Variants in RPS6KC1 observed in about 807,000 individuals in gnomAD.
RPS6KC1 encodes inactive ribosomal protein S6 kinase delta-1.
A neutral mutation model predicts 103.8 loss-of-function variants in RPS6KC1; 54 were observed. The observed-to-expected ratio is 0.52, with a 90% CI of 0.42 to 0.65. The LOEUF (loss-of-function observed/expected upper bound fraction) is 0.65, where lower values mean the gene tolerates loss of function less well. Among genes scored for constraint, RPS6KC1 ranks in the 30% least tolerant of loss-of-function variants. The pLI, the probability that RPS6KC1 is intolerant of heterozygous loss-of-function variation, is 0.00. For missense variants in RPS6KC1, 1,151 were observed against 1,253.8 expected, an observed-to-expected ratio of 0.92 and a Z score of 1.24; for synonymous variants, 439 against 438.7, an observed-to-expected ratio of 1.00 and a Z score of -0.01.
chr1:213,460,194 T>A, the RPS6KC1 span, among the ~76,000 whole-genome samples: 6 of 152,094 alleles, frequency 3.9e-5, no homozygotes, highest in Non-Finnish European at 8.8e-5. Flanking sequence ...AAATCTCCCA[T>A]TATTATTGTG....
chr1:213,385,358 G>A, the RPS6KC1 span, among the ~76,000 whole-genome samples: 3 of 152,292 alleles, frequency 2.0e-5, no homozygotes, highest in Admixed American at 1.3e-4. Context: ...GAGACACAGA[G>A]AGGTGAAGAA....
At chr1:213,504,840 T>C in the RPS6KC1 span, among the ~76,000 whole-genome samples, 564 of 152,232 alleles carry the variant, frequency 3.7e-3, 2 homozygotes, top group South Asian at 9.3e-3. Context: ...CAAAAATGAG[T>C]ATCTAACATA....
the RPS6KC1 span, among the ~76,000 whole-genome samples, chr1:213,768,278 T>C: frequency 1.3e-5 from 2 of 152,096 alleles, no homozygotes; most frequent in African/African-American, 2.4e-5. Flanking sequence ...GGACCAAGAC[T>C]GGAAAGAGTT....
the RPS6KC1 span, among the ~76,000 whole-genome samples, chr1:213,829,476 AG>A: frequency 1.3e-5 from 2 of 152,266 alleles, no homozygotes; most frequent in Admixed American, 1.3e-4. Context: ...CTCACTTTAA[AG>A]GGTCATATCA....
At chr1:213,730,118 G>A in the RPS6KC1 span, among the ~76,000 whole-genome samples, 2 of 152,166 alleles carry the variant, frequency 1.3e-5, no homozygotes, top group Admixed American at 6.5e-5. Context: ...CTTTTTAATG[G>A]CTGCATAGTA....
intron 3 of RPS6KC1, among the ~76,000 whole-genome samples, chr1:213,091,264 G>A (rs1294177348): frequency 6.6e-6 from 1 of 152,012 alleles, no homozygotes; most frequent in Non-Finnish European, 1.5e-5. Context: ...GTTTCACCAT[G>A]TTAGCCAGGA....
chr1:213,094,090 C>A (rs559078293), intron 3 of RPS6KC1, among the ~76,000 whole-genome samples: 104 of 151,554 alleles, frequency 6.9e-4, no homozygotes, highest in African/African-American at 2.4e-3. Context: ...TATGCTCCCC[C>A]CCCCCACCAA....
the RPS6KC1 span, among the ~76,000 whole-genome samples, chr1:213,576,321 A>T: frequency 1.3e-5 from 2 of 151,370 alleles, no homozygotes; most frequent in Non-Finnish European, 2.9e-5. Flanking sequence ...TGTAGAGATG[A>T]TTTAAAATGC....
At chr1:213,574,886 C>T in the RPS6KC1 span, among the ~76,000 whole-genome samples, 2 of 152,200 alleles carry the variant, frequency 1.3e-5, no homozygotes, top group Admixed American at 6.5e-5. Context: ...ACTGTGGGCT[C>T]CTGCCTGGAG....
the RPS6KC1 span, among the ~76,000 whole-genome samples, chr1:213,629,873 G>T: frequency 2.6e-5 from 4 of 152,100 alleles, no homozygotes; most frequent in Non-Finnish European, 4.4e-5. Flanking sequence ...GAAATTCTGG[G>T]TTGAAAATGC....
the RPS6KC1 span, among the ~76,000 whole-genome samples, chr1:213,381,265 C>T: frequency 2.0e-5 from 3 of 152,120 alleles, no homozygotes; most frequent in Admixed American, 1.3e-4. Flanking sequence ...CCTGGTGAGG[C>T]TTGGGACGAG....
At chr1:213,555,283 C>T in the RPS6KC1 span, among the ~76,000 whole-genome samples, 3 of 152,236 alleles carry the variant, frequency 2.0e-5, no homozygotes, top group Non-Finnish European at 4.4e-5. Flanking sequence ...TGCCCACTCC[C>T]TCCCTGGCAG....
At chr1:213,333,023 C>T in the RPS6KC1 span, among the ~76,000 whole-genome samples, 2 of 152,128 alleles carry the variant, frequency 1.3e-5, no homozygotes, top group Non-Finnish European at 2.9e-5. Flanking sequence ...TGTGAACACC[C>T]GACTCCACAT....
the RPS6KC1 span, among the ~76,000 whole-genome samples, chr1:213,728,948 G>GTTTTTT: frequency 3.3e-5 from 3 of 91,298 alleles, no homozygotes; most frequent in African/African-American, 9.2e-5. Flanking sequence ...TTTTTTTTTT[G>GTTTTTT]TTTTTTTTTT....
chr1:213,832,112 G>T, the RPS6KC1 span, among the ~76,000 whole-genome samples: 2 of 152,130 alleles, frequency 1.3e-5, no homozygotes, highest in Admixed American at 1.3e-4. Flanking sequence ...AAATTATCTG[G>T]GTCTCAAGTT....
chr1:213,607,789 T>C, the RPS6KC1 span, among the ~76,000 whole-genome samples: 1 of 151,810 alleles, frequency 6.6e-6, no homozygotes, highest in Non-Finnish European at 1.5e-5. Context: ...GTTGAGTGCG[T>C]GTTGGGGATT....
intron 10 of RPS6KC1, among the ~76,000 whole-genome samples, chr1:213,236,107 T>G (rs762400901): frequency 5.9e-5 from 9 of 152,124 alleles, no homozygotes; most frequent in Non-Finnish European, 1.2e-4. Flanking sequence ...GCGAGGGATC[T>G]AGGTTGCACA....
At chr1:213,715,234 G>A in the RPS6KC1 span, among the ~76,000 whole-genome samples, 1 of 152,198 alleles carries the variant, frequency 6.6e-6, no homozygotes, top group Non-Finnish European at 1.5e-5. Flanking sequence ...AGGGTCACAA[G>A]CTAATTTTTT....
the RPS6KC1 span, among the ~76,000 whole-genome samples, chr1:213,281,183 T>G: frequency 1.3e-5 from 2 of 152,202 alleles, no homozygotes; most frequent in African/African-American, 2.4e-5. Flanking sequence ...TCCCCCATCT[T>G]CAGACTGCAG....
Sources: gnomAD v4.1 joint callset for allele counts (sites outside exome capture counted in the v4.1 genomes callset) on GRCh38, gnomAD v4.1.1 for gene constraint, MANE v1.5 for transcripts, NCBI Gene and HGNC (gene_info 2026-07-23, HGNC 2026-07-21) for gene names.